Variants in ZBTB38 observed in about 807,000 individuals in gnomAD.
The protein encoded by ZBTB38 is zinc finger and BTB domain-containing protein 38.
A neutral mutation model predicts 76.8 loss-of-function variants in ZBTB38; 20 were observed. The observed-to-expected ratio is 0.26, with a 90% CI of 0.18 to 0.38. ZBTB38 has a LOEUF of 0.38. ZBTB38 is among the 10% of genes least tolerant of loss of function. The pLI, the probability that ZBTB38 is intolerant of heterozygous loss-of-function variation, is 1.00. For synonymous variants in ZBTB38, 504 were observed against 544.2 expected (o/e 0.93, Z 1.03); for missense variants, 1,082 against 1,482.3 (o/e 0.73, Z 4.43).
chr3:141,337,326 C>T (rs936230017), intron 1 of ZBTB38, among the ~76,000 whole-genome samples: 17 of 152,220 alleles, frequency 1.1e-4, no homozygotes, highest in African/African-American at 3.9e-4. Flanking sequence ...GTAATGACTG[C>T]ACAGCATTTT....
intron 5 of ZBTB38, among the ~76,000 whole-genome samples, chr3:141,412,702 C>T (rs1321672958): frequency 6.6e-6 from 1 of 152,104 alleles, no homozygotes; most frequent in Non-Finnish European, 1.5e-5. Flanking sequence ...AGAAACTTTC[C>T]TTCTGTTTCT....
chr3:141,408,750 A>G (rs1413710776), intron 5 of ZBTB38, among the ~76,000 whole-genome samples: 1 of 152,236 alleles, frequency 6.6e-6, no homozygotes, highest in Non-Finnish European at 1.5e-5. Flanking sequence ...CTTATTGGGA[A>G]TATATTTATG....
chr3:141,336,716 C>T (rs369282094), intron 1 of ZBTB38, among the ~76,000 whole-genome samples: 3 of 152,146 alleles, frequency 2.0e-5, no homozygotes, highest in African/African-American at 4.8e-5. Context: ...ACTAGGGCCA[C>T]GGTCGGCCTC....
chr3:141,361,059 C>G (rs2148958602), intron 1 of ZBTB38, among the ~76,000 whole-genome samples: 1 of 152,276 alleles, frequency 6.6e-6, no homozygotes, highest in East Asian at 1.9e-4. Context: ...ACACAAAGGA[C>G]AAAAACAGAG....
intron 5 of ZBTB38, among the ~76,000 whole-genome samples, chr3:141,433,231 A>G (rs2077996896): frequency 6.6e-6 from 1 of 152,004 alleles, no homozygotes; most frequent in African/African-American, 2.4e-5. Context: ...AGGCTTATAT[A>G]TATTTATTTT....
intron 1 of ZBTB38, among the ~76,000 whole-genome samples, chr3:141,357,527 G>T (rs1433570367): frequency 6.6e-6 from 1 of 151,984 alleles, no homozygotes; most frequent in Non-Finnish European, 1.5e-5. Context: ...TTGTTTGTTT[G>T]TTCATTTGTT....
intron 1 of ZBTB38, among the ~76,000 whole-genome samples, chr3:141,350,431 T>C (rs947976005): frequency 6.6e-6 from 1 of 152,230 alleles, no homozygotes; most frequent in Non-Finnish European, 1.5e-5. Flanking sequence ...TTGTCATCAT[T>C]TTATCCCTCA....
At chr3:141,391,447 T>A (rs904172469) in intron 4 of ZBTB38, among the ~76,000 whole-genome samples, 1 of 152,168 alleles carries the variant, frequency 6.6e-6, no homozygotes, top group Non-Finnish European at 1.5e-5. Flanking sequence ...AAGCTTCCCC[T>A]ACAGTAAGAG....
chr3:141,392,951 T>G (rs188488822), intron 4 of ZBTB38: 1 of 152,242 alleles, frequency 6.6e-6, no homozygotes, highest in Admixed American at 6.5e-5. Flanking sequence ...AAATGTCTCA[T>G]TGACCAGAAA....
chr3:141,336,402 G>T lies in ZBTB38; in HGVS notation c.-739+11946G>T, dbSNP rs373775605. 3.0e-3 allele frequency among the ~76,000 whole-genome samples: 450 copies of T among 151,882 alleles called. 5 individuals carry two copies. The highest frequency in any genetic ancestry group is 1.0e-2 in the African/African-American group (414 of 41,406). ...GTGATAAAATTTACTATTTTATATA[G>T]AGAGACAGAACATGTGTTGGGCATC... On this transcript the variant is annotated intron_variant, in intron 1 of 7. Coordinates refer to the ZBTB38 transcript ENST00000509842.
At chr3:141,328,512 CT>C (rs1942745625) in intron 1 of ZBTB38, among the ~76,000 whole-genome samples, 1 of 152,184 alleles carries the variant, frequency 6.6e-6, no homozygotes, top group Admixed American at 6.5e-5. Flanking sequence ...ATCCCCTCAG[CT>C]ACCAAACTGT....
chr3:141,365,381 C>T (rs1012669997), upstream of ZBTB38, among the ~76,000 whole-genome samples: 6 of 152,212 alleles, frequency 3.9e-5, no homozygotes, highest in East Asian at 3.9e-4. Context: ...CTTGCTGGTG[C>T]GGACTCTCTG....
chr3:141,344,213 G>C (rs1344437410), intron 1 of ZBTB38, among the ~76,000 whole-genome samples: 1 of 152,214 alleles, frequency 6.6e-6, no homozygotes, highest in Admixed American at 6.5e-5. Flanking sequence ...TAGGTCAGAA[G>C]TCCATCATGG....
intron 2 of ZBTB38, among the ~76,000 whole-genome samples, chr3:141,370,593 G>A (rs1306022550): frequency 6.6e-6 from 1 of 152,200 alleles, no homozygotes; most frequent in Non-Finnish European, 1.5e-5. Flanking sequence ...CCACATTTAG[G>A]TTTTCCTGAC....
At chr3:141,334,356 G>A (rs964356102) in intron 1 of ZBTB38, among the ~76,000 whole-genome samples, 3 of 151,730 alleles carry the variant, frequency 2.0e-5, no homozygotes, top group African/African-American at 7.3e-5. Flanking sequence ...TCGCCTCCCT[G>A]CCTTCCTTCT....
intron 5 of ZBTB38, among the ~76,000 whole-genome samples, chr3:141,410,582 G>A (rs1343668638): frequency 1.3e-5 from 2 of 152,206 alleles, no homozygotes; most frequent in African/African-American, 4.8e-5. Flanking sequence ...TGTCCCATGA[G>A]AGCAAGCTGA....
At chr3:141,384,818 G>A (rs914231646) in intron 3 of ZBTB38, 14 of 152,320 alleles carry the variant, frequency 9.2e-5, no homozygotes, top group Admixed American at 5.9e-4. Context: ...TTTATTTCTG[G>A]AGTAGTTGTG....
At chr3:141,378,845 T>C (rs1299790574) in intron 2 of ZBTB38, among the ~76,000 whole-genome samples, 1 of 152,228 alleles carries the variant, frequency 6.6e-6, no homozygotes, top group Non-Finnish European at 1.5e-5. Flanking sequence ...ACTTCAAAGC[T>C]AGGTAGATTC....
At chr3:141,411,987 G>A (rs535257683) in intron 5 of ZBTB38, among the ~76,000 whole-genome samples, 1 of 152,260 alleles carries the variant, frequency 6.6e-6, no homozygotes, top group Non-Finnish European at 1.5e-5. Flanking sequence ...CTGATAAGAA[G>A]ATTTGCACCT....
Sources: allele counts gnomAD v4.1 joint callset (sites outside exome capture counted in the v4.1 genomes callset), GRCh38; gene constraint gnomAD v4.1.1; transcripts MANE v1.5; gene names NCBI Gene and HGNC (gene_info 2026-07-23, HGNC 2026-07-21).